The following VWA8 variants were observed in gnomAD, a reference collection of about 807,000 sequenced individuals.
The protein encoded by VWA8 is von Willebrand factor A domain containing 8, also known as von Willebrand factor A domain-containing protein 8.
VWA8 carries 221 observed loss-of-function variants against 241.5 expected under a neutral mutation model. The observed-to-expected ratio is 0.91, with a 90% CI of 0.82 to 1.02. The LOEUF (loss-of-function observed/expected upper bound fraction) is 1.02. Among genes scored for constraint, VWA8 ranks in the 50% least tolerant of loss-of-function variants. VWA8 has a pLI of 0.00. For missense variants in VWA8, 2,322 were observed against 2,328.7 expected (o/e 1.00, Z 0.06); for synonymous variants, 852 against 827.1 (o/e 1.03, Z -0.52).
chr13:41,605,957 C>G (rs2044551252), intron 39 of VWA8, among the ~76,000 whole-genome samples: 1 of 152,088 alleles, frequency 6.6e-6, no homozygotes, highest in South Asian at 2.1e-4. Context: ...GAAGCCCCAC[C>G]AGCACACTAG....
chr13:41,923,228 T>C (rs1218343574), intron 2 of VWA8, among the ~76,000 whole-genome samples: 1 of 152,036 alleles, frequency 6.6e-6, no homozygotes, highest in East Asian at 1.9e-4. Context: ...AGGTGGGAAA[T>C]TAACAATGAG....
intron 43 of VWA8, among the ~76,000 whole-genome samples, chr13:41,574,592 C>T (rs1368442800): frequency 6.6e-6 from 1 of 151,906 alleles, no homozygotes; most frequent in Non-Finnish European, 1.5e-5. Context: ...CACGTGGAAC[C>T]AAAAAAGAGC....
intron 4 of VWA8, among the ~76,000 whole-genome samples, chr13:41,900,633 A>G (rs1328335364): frequency 6.6e-6 from 1 of 152,224 alleles, no homozygotes; most frequent in Non-Finnish European, 1.5e-5. Flanking sequence ...TTACAAAATT[A>G]GAATATCCTC....
chr13:41,642,452 G>A (rs770552502), intron 37 of VWA8, among the ~76,000 whole-genome samples: 2 of 151,558 alleles, frequency 1.3e-5, no homozygotes, highest in South Asian at 2.1e-4. Flanking sequence ...CCAGCTACTC[G>A]GGAGGCTGAG....
chr13:41,811,503 A>T (rs775264721), intron 16 of VWA8, among the ~76,000 whole-genome samples, 163 bp from the exon 17 acceptor site: 4 of 152,340 alleles, frequency 2.6e-5, no homozygotes, highest in Non-Finnish European at 5.9e-5. Context: ...AAACCAATTT[A>T]CACTTAAAAC....
chr13:41,944,768 C>G (rs960316050), intron 2 of VWA8, among the ~76,000 whole-genome samples: 6 of 152,154 alleles, frequency 3.9e-5, no homozygotes, highest in African/African-American at 1.4e-4. Flanking sequence ...TAGAATTTGT[C>G]TTTATTTGAT....
At chr13:41,728,894 G>A (rs975950271) in intron 23 of VWA8, among the ~76,000 whole-genome samples, 5 of 152,054 alleles carry the variant, frequency 3.3e-5, no homozygotes, top group Non-Finnish European at 7.4e-5. Flanking sequence ...TATTTTCAAT[G>A]GCTAGTTATA....
intron 19 of VWA8, among the ~76,000 whole-genome samples, chr13:41,781,577 T>A (rs1431770731): frequency 6.6e-6 from 1 of 152,188 alleles, no homozygotes; most frequent in Non-Finnish European, 1.5e-5. Context: ...CCCAATACCT[T>A]AGGACAAGGC....
intron 42 of VWA8, among the ~76,000 whole-genome samples, chr13:41,576,654 A>G (rs578173526): frequency 6.6e-6 from 1 of 152,366 alleles, no homozygotes; most frequent in African/African-American, 2.4e-5. Context: ...CCAGGAGGGA[A>G]TAAATGGAGG....
At chr13:41,959,625 T>TTTTTTTTTTTG (rs55893633) in intron 1 of VWA8, among the ~76,000 whole-genome samples, 2 of 134,166 alleles carry the variant, frequency 1.5e-5, no homozygotes, top group Non-Finnish European at 1.6e-5. Flanking sequence ...TTTTTTTTTT[T>TTTTTTTTTTTG]GAGATGGAGT....
chr13:41,888,215 C>G (rs1353988679), intron 5 of VWA8, among the ~76,000 whole-genome samples: 1 of 152,144 alleles, frequency 6.6e-6, no homozygotes, highest in Non-Finnish European at 1.5e-5. Context: ...CCTTCTCTGC[C>G]TAACTCTTAT....
At chr13:41,735,346 A>G (rs1320797207) in intron 21 of VWA8, among the ~76,000 whole-genome samples, 2 of 152,210 alleles carry the variant, frequency 1.3e-5, no homozygotes, top group African/African-American at 2.4e-5. Context: ...CTAATTTTAA[A>G]AAGAAAATGA....
intron 14 of VWA8, among the ~76,000 whole-genome samples, chr13:41,827,518 T>C (rs558173935): frequency 6.6e-6 from 1 of 152,314 alleles, no homozygotes; most frequent in South Asian, 2.1e-4. Flanking sequence ...CTGATCAATC[T>C]ATGACAGGGG....
intron 2 of VWA8, among the ~76,000 whole-genome samples, chr13:41,932,560 G>T (rs1285947623): frequency 6.6e-6 from 1 of 151,866 alleles, no homozygotes; most frequent in Admixed American, 6.6e-5. Context: ...TAAACAAAAT[G>T]TTCACACACT....
intron 15 of VWA8, among the ~76,000 whole-genome samples, chr13:41,817,565 C>T (rs1870752585): frequency 6.6e-6 from 1 of 152,134 alleles, no homozygotes; most frequent in African/African-American, 2.4e-5. Context: ...ATGCTAAGTC[C>T]TAGTCCACAT....
chr13:41,702,292 T>C (rs906837248), intron 27 of VWA8, among the ~76,000 whole-genome samples: 1 of 152,196 alleles, frequency 6.6e-6, no homozygotes, highest in African/African-American at 2.4e-5. Context: ...CCCTCTTCTA[T>C]CTAGTCTATA....
chr13:41,798,478 T>C (rs1200435732), intron 17 of VWA8, among the ~76,000 whole-genome samples: 1 of 152,222 alleles, frequency 6.6e-6, no homozygotes, highest in East Asian at 1.9e-4. Flanking sequence ...CAGGATACTA[T>C]CCAATCCTGG....
chr13:41,694,617 A>G (rs1183757511), intron 29 of VWA8, among the ~76,000 whole-genome samples: 2 of 152,100 alleles, frequency 1.3e-5, no homozygotes, highest in Non-Finnish European at 2.9e-5. Flanking sequence ...TTGAATGAGT[A>G]CTTTTTGATG....
intron 2 of VWA8, among the ~76,000 whole-genome samples, chr13:41,937,477 C>T (rs1366381426): frequency 1.3e-5 from 2 of 152,112 alleles, no homozygotes; most frequent in Non-Finnish European, 2.9e-5. Flanking sequence ...GGTTTGTCCT[C>T]CTATAAGAAT....
Sources: allele counts gnomAD v4.1 joint callset (sites outside exome capture counted in the v4.1 genomes callset), GRCh38; gene constraint gnomAD v4.1.1; transcripts MANE v1.5; gene names NCBI Gene and HGNC (gene_info 2026-07-23, HGNC 2026-07-21).